BRD7: variants seen among roughly 807,000 people sequenced by gnomAD.
BRD7 encodes bromodomain-containing protein 7.
BRD7 carries 15 observed loss-of-function variants against 82.1 expected under a neutral mutation model. That is an observed-to-expected ratio of 0.18 (90% CI 0.12 to 0.28). The LOEUF is 0.28. BRD7 is among the 10% of genes least tolerant of loss of function. The pLI is 1.00. For missense variants in BRD7, 638 were observed against 779.9 expected, an observed-to-expected ratio of 0.82 and a Z score of 2.17; for synonymous variants, 232 against 266.9, an observed-to-expected ratio of 0.87 and a Z score of 1.27.
intron 2 of BRD7, among the ~76,000 whole-genome samples, chr16:50,361,011 C>T (rs920507399): frequency 6.6e-5 from 10 of 152,076 alleles, no homozygotes; most frequent in African/African-American, 2.4e-4. Context: ...TCTCACTTTG[C>T]TTAATACGAT....
At chr16:50,363,267 G>A (rs1462651264) in intron 2 of BRD7, among the ~76,000 whole-genome samples, 2 of 152,158 alleles carry the variant, frequency 1.3e-5, no homozygotes, top group Admixed American at 1.3e-4. Context: ...GATGGCATAA[G>A]CATTTTTTAT....
intron 6 of BRD7, among the ~76,000 whole-genome samples, chr16:50,337,750 T>C (rs957260448): frequency 2.0e-5 from 3 of 152,008 alleles, no homozygotes; most frequent in Non-Finnish European, 4.4e-5. Flanking sequence ...AAGAGTTAAC[T>C]CAAAAGGTCT....
chr16:50,320,911 T>G (rs1049214142), intron 13 of BRD7, 137 bp from the exon 14 acceptor site: 9 of 656,778 alleles, frequency 1.4e-5, no homozygotes, highest in Non-Finnish European at 2.4e-5. Context: ...TTTTGATGCT[T>G]ACAGAAAATG....
chr16:50,363,073 T>C (rs1296033186), intron 2 of BRD7, among the ~76,000 whole-genome samples: 1 of 152,244 alleles, frequency 6.6e-6, no homozygotes, highest in African/African-American at 2.4e-5. Context: ...TTGTAAAACG[T>C]TACGTGTAGC....
At chr16:50,321,870 TACTC>T (rs749198892) in intron 13 of BRD7, 108 bp downstream of exon 13, 12 of 940,210 alleles carry the variant, frequency 1.3e-5, no homozygotes, top group Non-Finnish European at 2.0e-5. Flanking sequence ...CTCACAACTC[TACTC>T]ACTAACCTTT....
At chr16:50,351,216 A>ATCC (rs773598551) in intron 4 of BRD7, among the ~76,000 whole-genome samples, 45 of 152,334 alleles carry the variant, frequency 3.0e-4, no homozygotes, top group African/African-American at 7.2e-4. Context: ...AAGTGGTGGT[A>ATCC]TCCTCCACTA....
intron 2 of BRD7, among the ~76,000 whole-genome samples, chr16:50,360,594 C>T (rs2038902300): frequency 6.6e-6 from 1 of 152,116 alleles, no homozygotes; most frequent in Non-Finnish European, 1.5e-5. Context: ...GTTAGTCAAA[C>T]CTCCCTTAGG....
chr16:50,357,973 CT>C (rs1210062713), intron 2 of BRD7, among the ~76,000 whole-genome samples: 2 of 151,826 alleles, frequency 1.3e-5, no homozygotes, highest in Non-Finnish European at 2.9e-5. Flanking sequence ...GAACAAGACT[CT>C]GTCTCAAAAA....
intron 2 of BRD7, among the ~76,000 whole-genome samples, chr16:50,359,746 A>C (rs567657333): frequency 6.6e-6 from 1 of 152,350 alleles, no homozygotes; most frequent in South Asian, 2.1e-4. Flanking sequence ...ACAGATTTCA[A>C]GGACAGAATA....
intron 8 of BRD7, among the ~76,000 whole-genome samples, chr16:50,329,295 CA>C: frequency 6.6e-6 from 1 of 152,194 alleles, no homozygotes; most frequent in South Asian, 2.1e-4. Flanking sequence ...CCCAGTCTAT[CA>C]AAAAAGGCTA....
chr16:50,323,634 C>T lies in BRD7; in HGVS notation c.1396G>A (p.Val466Ile), dbSNP rs2037212891. The T allele has an allele frequency of 6.2e-7, 1 of 1,613,808 alleles. No individual in the cohort carries two copies. The highest frequency in any genetic ancestry group is 8.5e-7 in the Non-Finnish European group (1 of 1,179,710). Residue 466 changes from valine (V) to isoleucine (I), a missense_variant, in exon 12 of 17, where the codon GTT becomes ATT. By Grantham distance (29) the Val-to-Ile change is conservative (BLOSUM62 3). Around this residue, in one of 3 missense-constraint regions of BRD7, gnomAD observed 402 missense variants for 500.8 expected, o/e 0.80. Transcript: ENST00000394688. ...CTGGAATGCCCTCCTTTTGTTAAAA[C>T]ATCCAGTAAACTATCTGCCATGACA... ...PYVMADSLLDVLTKGGHSRTL... is the reference protein window; with the variant it reads ...PYVMADSLLDILTKGGHSRTL...
At position 50,368,752 on chromosome 16, in the gene BRD7, T is replaced by C; in HGVS notation, c.23A>G (p.His8Arg). Residue 8 changes from histidine (H) to arginine (R), a missense_variant, in exon 1 of 17, where the codon CAC becomes CGC. Coordinates refer to ENST00000394688, the MANE Select transcript of BRD7 (RefSeq NM_013263.5). ...CTCGTAGAGGTGTTTGTCCGACTTG[T>C]GCTTCTTGTGCTTCTTGCCCATGTC... is the stretch of plus-strand genomic sequence containing the variant. MGKKHKK[H>R]KSDKHLYEEY... 3.2e-6 allele frequency: 5 copies of C among 1,550,890 alleles called. No individual in the cohort carries two copies. The African/African-American group carries it at 5.7e-5, about 18-fold the overall frequency.
chr16:50,359,714 T>C (rs1306111275), intron 2 of BRD7, among the ~76,000 whole-genome samples: 1 of 152,216 alleles, frequency 6.6e-6, no homozygotes. Flanking sequence ...TTCACTTGAC[T>C]AGTCTTAAAA....
intron 11 of BRD7, 138 bp from the exon 12 acceptor site, chr16:50,323,836 C>T (rs770293929): frequency 1.1e-4 from 65 of 614,472 alleles, no homozygotes; most frequent in Non-Finnish European, 1.4e-4. Context: ...AACATGGTAT[C>T]TACATATTAA....
At position 50,334,902 on chromosome 16, in the gene BRD7, A is replaced by G; in HGVS notation, c.703-7T>C. 6.2e-7 allele frequency: 1 copy of G among 1,603,504 alleles called. No individual in the cohort carries two copies. The highest frequency in any genetic ancestry group is 8.5e-7 in the Non-Finnish European group (1 of 1,175,802). On this transcript the variant is annotated splice_region_variant and splice_polypyrimidine_tract_variant and intron_variant, in intron 6 of 16. Transcript: ENST00000394688. ...TCAGGCTCTGAATTCTTTCCTAAAC[A>G]TATTCGAAAATATTCTTATTATATG...
intron 5 of BRD7, among the ~76,000 whole-genome samples, chr16:50,342,835 G>T (rs961783703): frequency 2.6e-5 from 4 of 152,102 alleles, no homozygotes; most frequent in Admixed American, 2.6e-4. Context: ...ACAAAGTAGA[G>T]GTAAAACAGA....
intron 5 of BRD7, among the ~76,000 whole-genome samples, chr16:50,348,559 C>G (rs963362125): frequency 2.6e-5 from 4 of 151,964 alleles, no homozygotes; most frequent in African/African-American, 9.7e-5. Context: ...TTAAACAAAT[C>G]TACAAGAAAA....
chr16:50,358,104 G>A (rs1268054851), intron 2 of BRD7, among the ~76,000 whole-genome samples: 1 of 152,182 alleles, frequency 6.6e-6, no homozygotes, highest in Non-Finnish European at 1.5e-5. Context: ...AGTATGTGTT[G>A]TAGTATGAAA....
chr16:50,329,900 C>T (rs562496028), intron 8 of BRD7, among the ~76,000 whole-genome samples: 64 of 152,330 alleles, frequency 4.2e-4, no homozygotes, highest in African/African-American at 1.3e-3. Context: ...ACTGTTTTAA[C>T]GCCGCTGTAA....
Sources: allele counts gnomAD v4.1 joint callset (sites outside exome capture counted in the v4.1 genomes callset), GRCh38; gene constraint gnomAD v4.1.1; regional missense constraint gnomAD v4.1.1; transcripts MANE v1.5; gene names NCBI Gene and HGNC (gene_info 2026-07-23, HGNC 2026-07-21).